Variants in TDRD3 observed in about 807,000 individuals in gnomAD.
The protein encoded by TDRD3 is tudor domain-containing protein 3.
In TDRD3, 45 loss-of-function variants were observed where a neutral mutation model predicts 86.7. That is an observed-to-expected ratio of 0.52 (90% confidence interval 0.41 to 0.67). The LOEUF is 0.67. Among genes scored for constraint, TDRD3 ranks in the 30% least tolerant of loss-of-function variants. The probability of loss-of-function intolerance (pLI) is 0.00; values close to 1 mark genes in which losing one functional copy is unlikely to be tolerated. For missense variants in TDRD3, 814 were observed against 889.0 expected (o/e 0.92, Z 1.07); for synonymous variants, 298 against 301.7 (o/e 0.99, Z 0.13).
intron 12 of TDRD3, among the ~76,000 whole-genome samples, chr13:60,554,155 G>A (rs960688118): frequency 2.0e-5 from 3 of 152,146 alleles, no homozygotes; most frequent in Non-Finnish European, 2.9e-5. Flanking sequence ...CAGTGTACCT[G>A]CTGCTTGACA....
intron 10 of TDRD3, among the ~76,000 whole-genome samples, chr13:60,517,672 C>G (rs977301141): frequency 2.6e-5 from 4 of 152,158 alleles, no homozygotes; most frequent in Admixed American, 2.6e-4. Context: ...TTTACCATTC[C>G]ATTCGTTTTG....
At chr13:60,477,354 A>G (rs1956207377) in intron 5 of TDRD3, among the ~76,000 whole-genome samples, 1 of 151,962 alleles carries the variant, frequency 6.6e-6, no homozygotes, top group African/African-American at 2.4e-5. Context: ...AGCTGACACT[A>G]CAGGTGCACA....
chr13:60,572,597 G>A (rs1958610366), intron 13 of TDRD3, among the ~76,000 whole-genome samples: 1 of 152,144 alleles, frequency 6.6e-6, no homozygotes, highest in Admixed American at 6.5e-5. Context: ...TGGAGGTCAA[G>A]GCTCAATGTG....
intron 3 of TDRD3, among the ~76,000 whole-genome samples, chr13:60,453,479 A>G (rs879439288): frequency 5.0e-5 from 7 of 139,724 alleles, no homozygotes; most frequent in Admixed American, 1.4e-4. Context: ...TTCTCTAGCA[A>G]CACTTTCCTT....
At chr13:60,504,207 A>G (rs553607163) in intron 8 of TDRD3, among the ~76,000 whole-genome samples, 1 of 152,324 alleles carries the variant, frequency 6.6e-6, no homozygotes, top group East Asian at 1.9e-4. Flanking sequence ...GCTTTCTGAT[A>G]ATCTTTTACT....
intron 12 of TDRD3, among the ~76,000 whole-genome samples, chr13:60,563,808 T>G (rs537822020): frequency 1.6e-4 from 24 of 152,340 alleles, no homozygotes; most frequent in African/African-American, 5.5e-4. Flanking sequence ...ATGATGAACT[T>G]TTATAACACG....
intron 1 of TDRD3, 75 bp downstream of exon 1, chr13:60,397,480 C>A: frequency 7.8e-7 from 1 of 1,279,718 alleles, no homozygotes; most frequent in Non-Finnish European, 1.0e-6. Context: ...TTGGGGGCGG[C>A]GGGGTGCGTG....
At chr13:60,404,193 A>G (rs968231353) in intron 1 of TDRD3, among the ~76,000 whole-genome samples, 35 of 152,156 alleles carry the variant, frequency 2.3e-4, no homozygotes, top group Admixed American at 1.9e-3. Flanking sequence ...AAGGCACTGT[A>G]TATGTTTTCT....
chr13:60,409,316 A>G (rs1302692534), intron 1 of TDRD3, among the ~76,000 whole-genome samples: 1 of 152,202 alleles, frequency 6.6e-6, no homozygotes, highest in African/African-American at 2.4e-5. Context: ...CAGAGTCCCT[A>G]CTGGGGCACT....
At chr13:60,460,628 A>C in intron 4 of TDRD3, 88 bp downstream of exon 4, 3 of 1,187,006 alleles carry the variant, frequency 2.5e-6, no homozygotes, top group Non-Finnish European at 2.3e-6. Flanking sequence ...AAAAGTAGGA[A>C]TGGACCCTTA....
At chr13:60,458,851 T>A (rs983654223) in intron 3 of TDRD3, among the ~76,000 whole-genome samples, 1 of 152,180 alleles carries the variant, frequency 6.6e-6, no homozygotes, top group African/African-American at 2.4e-5. Context: ...GCTAAAAATA[T>A]GGGATACCAA....
intron 12 of TDRD3, chr13:60,547,448 G>T (rs1248675475): frequency 4.1e-6 from 4 of 982,042 alleles, no homozygotes; most frequent in South Asian, 4.7e-5. Flanking sequence ...AGAAGACCTG[G>T]GTTCGAGTCC....
chr13:60,565,835 G>A (rs1225131638), intron 12 of TDRD3, among the ~76,000 whole-genome samples: 1 of 152,064 alleles, frequency 6.6e-6, no homozygotes, highest in Non-Finnish European at 1.5e-5. Flanking sequence ...TCAGAACACT[G>A]ACCAGAATAA....
intron 1 of TDRD3, among the ~76,000 whole-genome samples, chr13:60,411,156 A>G (rs1954355127): frequency 6.6e-6 from 1 of 152,234 alleles, no homozygotes; most frequent in Admixed American, 6.5e-5. Flanking sequence ...TCTACTAGTT[A>G]TAAAGACTTA....
intron 1 of TDRD3, among the ~76,000 whole-genome samples, chr13:60,412,301 TG>T (rs1191329220): frequency 6.6e-6 from 1 of 152,178 alleles, no homozygotes; most frequent in African/African-American, 2.4e-5. Flanking sequence ...TTGAGTGAAT[TG>T]GTGTGAGTAA....
intron 4 of TDRD3, among the ~76,000 whole-genome samples, chr13:60,464,582 A>G (rs1955875256): frequency 6.6e-6 from 1 of 152,114 alleles, no homozygotes; most frequent in African/African-American, 2.4e-5. Context: ...ACACACACAC[A>G]CATACACACA....
chr13:60,469,435 TACACAC>T (rs111428413), intron 5 of TDRD3, among the ~76,000 whole-genome samples: 3 of 135,642 alleles, frequency 2.2e-5, no homozygotes, highest in African/African-American at 5.0e-5. Flanking sequence ...CACACACACA[TACACAC>T]ACACACACAC....
intron 11 of TDRD3, among the ~76,000 whole-genome samples, chr13:60,532,568 A>G (rs966040220): frequency 6.6e-6 from 1 of 152,314 alleles, no homozygotes. Context: ...AGATACCATA[A>G]TCTTCTTAAT....
chr13:60,479,952 A>G lies in TDRD3; in HGVS notation c.496-3823A>G, dbSNP rs138881319. On this transcript the variant is annotated intron_variant, in intron 5 of 13. Coordinates refer to ENST00000377881, the MANE Select transcript of TDRD3 (RefSeq NM_001146070.2). ...CAGTTGAGTCTTGCTTCTTTATCCA[A>G]CTTGCCATCGTATTCCTTTTAAGTG... 3.8e-3 allele frequency among the ~76,000 whole-genome samples: 579 copies of G among 152,182 alleles called. 1 individual carries two copies. Among genetic ancestry groups the G allele is most frequent in the African/African-American group, 0.011 (449 of 41,536 alleles).
Sources: gnomAD v4.1 joint callset for allele counts (sites outside exome capture counted in the v4.1 genomes callset) on GRCh38, gnomAD v4.1.1 for gene constraint, MANE v1.5 for transcripts, NCBI Gene and HGNC (gene_info 2026-07-23, HGNC 2026-07-21) for gene names.